The following EPS15L1 variants were observed in gnomAD, a reference collection of about 807,000 sequenced individuals.
EPS15L1 encodes epidermal growth factor receptor pathway substrate 15 like 1, also known as epidermal growth factor receptor substrate 15-like 1.
Under a neutral mutation model 117.1 loss-of-function variants are expected in EPS15L1, and 43 were observed. That is an observed-to-expected ratio of 0.37 (90% CI 0.29 to 0.47). The LOEUF is 0.47. Ranked by LOEUF, EPS15L1 falls within the 20% of genes least tolerant of loss-of-function variation. The pLI, the probability that EPS15L1 is intolerant of heterozygous loss-of-function variation, is 0.99. For synonymous variants in EPS15L1, 459 were observed against 470.5 expected, an observed-to-expected ratio of 0.98 and a Z score of 0.32; for missense variants, 981 against 1,164.0, an observed-to-expected ratio of 0.84 and a Z score of 2.29.
intron 1 of EPS15L1, among the ~76,000 whole-genome samples, chr19:16,450,544 G>A (rs1185994937): frequency 6.8e-6 from 1 of 148,140 alleles, no homozygotes; most frequent in Non-Finnish European, 1.5e-5. Flanking sequence ...GCAATGGTGC[G>A]ATCTCGGCTC....
At chr19:16,387,592 A>G (rs1010591558) in intron 19 of EPS15L1, among the ~76,000 whole-genome samples, 1 of 151,930 alleles carries the variant, frequency 6.6e-6, no homozygotes. Context: ...GGGCAACAAG[A>G]GTGAAACTCC....
At chr19:16,449,224 C>T (rs1301418118) in intron 1 of EPS15L1, among the ~76,000 whole-genome samples, 1 of 151,836 alleles carries the variant, frequency 6.6e-6, no homozygotes, top group Non-Finnish European at 1.5e-5. Flanking sequence ...GCCTGGGCAA[C>T]ATAACAAGAT....
At chr19:16,461,447 C>T (rs1415660378) in intron 1 of EPS15L1, among the ~76,000 whole-genome samples, 1 of 151,858 alleles carries the variant, frequency 6.6e-6, no homozygotes, top group Non-Finnish European at 1.5e-5. Context: ...CATGGAGAAA[C>T]CCCATCTCTA....
intron 23 of EPS15L1, chr19:16,357,106 T>A (rs2091990640): frequency 6.6e-6 from 1 of 152,470 alleles, no homozygotes; most frequent in Non-Finnish European, 1.5e-5. Context: ...CCCTGCAGAC[T>A]AACCCAGGAA....
chr19:16,358,991 G>A (rs1055727353), intron 23 of EPS15L1, among the ~76,000 whole-genome samples: 1 of 152,180 alleles, frequency 6.6e-6, no homozygotes, highest in African/African-American at 2.4e-5. Context: ...CCCGGGAACA[G>A]CCACACACGC....
chr19:16,398,314 A>G (rs957076885), intron 16 of EPS15L1, among the ~76,000 whole-genome samples: 1 of 152,244 alleles, frequency 6.6e-6, no homozygotes, highest in Non-Finnish European at 1.5e-5. Flanking sequence ...CTCCGACCAC[A>G]GGGTTTTCCC....
chr19:16,403,645 G>C, intron 15 of EPS15L1, 88 bp downstream of exon 15: 2 of 1,248,256 alleles, frequency 1.6e-6, no homozygotes, highest in Non-Finnish European at 2.3e-6. Flanking sequence ...TAACAAGGGT[G>C]AGAGCAAAGG....
chr19:16,419,958 A>G (rs754784810), intron 10 of EPS15L1, among the ~76,000 whole-genome samples: 1 of 152,234 alleles, frequency 6.6e-6, no homozygotes, highest in African/African-American at 2.4e-5. Context: ...AAGCAAGCTT[A>G]GGGGTGGCTC....
chr19:16,439,221 G>A (rs947571093), intron 4 of EPS15L1, among the ~76,000 whole-genome samples: 2 of 152,056 alleles, frequency 1.3e-5, no homozygotes, highest in Non-Finnish European at 2.9e-5. Context: ...CTTGCAGAGT[G>A]TAGAGGATCA....
At chr19:16,407,692 C>G (rs1234423170) in intron 13 of EPS15L1, among the ~76,000 whole-genome samples, 1 of 152,208 alleles carries the variant, frequency 6.6e-6, no homozygotes, top group African/African-American at 2.4e-5. Context: ...AGCTGAAATA[C>G]ACAATTGTTT....
chr19:16,458,872 G>A (rs1385723590), intron 1 of EPS15L1, among the ~76,000 whole-genome samples: 5 of 152,180 alleles, frequency 3.3e-5, no homozygotes, highest in South Asian at 4.1e-4. Flanking sequence ...GTCATGCATC[G>A]TTTAACTACA....
chr19:16,447,490 T>C (rs777944374), intron 1 of EPS15L1, among the ~76,000 whole-genome samples: 3 of 152,226 alleles, frequency 2.0e-5, no homozygotes, highest in Admixed American at 6.5e-5. Context: ...CCAGGCACTC[T>C]GGCTCACACC....
chr19:16,404,572 G>A lies in EPS15L1; in HGVS notation c.1428+16C>T, dbSNP rs370167441. On this transcript the variant is annotated intron_variant, in intron 14 of 23. Transcript: ENST00000455140. The surrounding 1 kb of genome is among the most constrained non-coding windows in gnomAD (Gnocchi z 4.2). ...CCTGTGCATAGGGCGCTGCCCCGGA[G>A]GTGGCCGGGACCCACCATCTGAGTC... The A allele has an allele frequency of 2.5e-6, 4 of 1,613,780 alleles. No individual in the cohort carries two copies. Among genetic ancestry groups the A allele is most frequent in the African/African-American group, 1.3e-5 (1 of 75,026 alleles).
intron 19 of EPS15L1, among the ~76,000 whole-genome samples, chr19:16,390,156 A>T (rs527515302): frequency 2.2e-4 from 34 of 152,208 alleles, no homozygotes; most frequent in Non-Finnish European, 4.4e-4. Flanking sequence ...TTAAAGATCC[A>T]GGTAAGTTGA....
chr19:16,419,615 G>C (rs1053564563), intron 10 of EPS15L1, among the ~76,000 whole-genome samples: 1 of 152,186 alleles, frequency 6.6e-6, no homozygotes, highest in Admixed American at 6.5e-5. Flanking sequence ...AGCTGCGGCA[G>C]AAGCCATTAC....
intron 1 of EPS15L1, among the ~76,000 whole-genome samples, chr19:16,454,173 A>T (rs1438069115): frequency 6.6e-6 from 1 of 152,234 alleles, no homozygotes; most frequent in Non-Finnish European, 1.5e-5. Context: ...AAGGCACTGG[A>T]AACAGCAGAG....
chr19:16,471,994 G>C, upstream of EPS15L1: 1 of 1,241,258 alleles, frequency 8.1e-7, no homozygotes, highest in Non-Finnish European at 1.0e-6. The surrounding 1 kb of genome is among the most constrained non-coding windows in gnomAD (Gnocchi z 4.8). Flanking sequence ...GGGCGGGGCT[G>C]CAGCCACGCG....
intron 22 of EPS15L1, among the ~76,000 whole-genome samples, chr19:16,375,061 T>C (rs1209173635): frequency 1.3e-5 from 2 of 152,190 alleles, no homozygotes; most frequent in South Asian, 2.1e-4. Flanking sequence ...CAATGCAGTA[T>C]GTGAGTGCAT....
intron 22 of EPS15L1, among the ~76,000 whole-genome samples, chr19:16,373,816 G>A (rs963087528): frequency 2.6e-5 from 4 of 152,188 alleles, no homozygotes; most frequent in African/African-American, 9.7e-5. Flanking sequence ...GTCAACCACT[G>A]GGTCAACTCA....
Sources: gnomAD v4.1 joint callset for allele counts (sites outside exome capture counted in the v4.1 genomes callset) on GRCh38, gnomAD v4.1.1 for gene constraint, Gnocchi (gnomAD v3.1) non-coding constraint, MANE v1.5 for transcripts, NCBI Gene and HGNC (gene_info 2026-07-23, HGNC 2026-07-21) for gene names.